TEKT3: variants seen among roughly 807,000 people sequenced by gnomAD.
TEKT3 encodes tektin 3.
In TEKT3, 49 loss-of-function variants were observed where a neutral mutation model predicts 49.8. The observed-to-expected ratio is 0.98, with a 90% CI of 0.78 to 1.25. The LOEUF is 1.25. TEKT3 is among the 50% of genes most tolerant of loss of function. TEKT3 has a pLI of 0.00. For synonymous variants in TEKT3, 225 were observed against 237.2 expected, an observed-to-expected ratio of 0.95 and a Z score of 0.47; for missense variants, 595 against 629.5, an observed-to-expected ratio of 0.95 and a Z score of 0.59.
At chr17:15,306,457 G>A (rs1278016273) in intron 8 of TEKT3, among the ~76,000 whole-genome samples, 1 of 151,354 alleles carries the variant, frequency 6.6e-6, no homozygotes, top group East Asian at 1.9e-4. Flanking sequence ...AGAAACAAAA[G>A]TAGGTTTTGT....
chr17:15,330,603 C>T (rs887257589), intron 3 of TEKT3, among the ~76,000 whole-genome samples: 1 of 152,176 alleles, frequency 6.6e-6, no homozygotes, highest in South Asian at 2.1e-4. Flanking sequence ...AAGCAGAAGC[C>T]ATTATGCTTC....
intron 3 of TEKT3, among the ~76,000 whole-genome samples, chr17:15,328,869 A>G (rs1284689219): frequency 2.6e-5 from 4 of 152,146 alleles, no homozygotes; most frequent in Non-Finnish European, 4.4e-5. Context: ...ATAACATAGG[A>G]CTCCCAAATA....
At chr17:15,306,343 A>C (rs1328504549) in intron 8 of TEKT3, among the ~76,000 whole-genome samples, 1 of 152,164 alleles carries the variant, frequency 6.6e-6, no homozygotes, top group Non-Finnish European at 1.5e-5. Flanking sequence ...TAGACCGCCG[A>C]AGGGCTGCTT....
At chr17:15,324,231 A>G (rs1296965711) in intron 4 of TEKT3, among the ~76,000 whole-genome samples, 1 of 152,132 alleles carries the variant, frequency 6.6e-6, no homozygotes, top group Non-Finnish European at 1.5e-5. Flanking sequence ...CATGTAGCAT[A>G]ATGTTTTCAA....
At chr17:15,340,932 A>G (rs1237897429) in intron 1 of TEKT3, among the ~76,000 whole-genome samples, 2 of 152,216 alleles carry the variant, frequency 1.3e-5, no homozygotes, top group African/African-American at 4.8e-5. Flanking sequence ...TCTCTACAAT[A>G]CTATATACAT....
At chr17:15,308,910 A>G (rs2150733153) in intron 7 of TEKT3, 92 bp from the exon 8 acceptor site, 1 of 1,474,634 alleles carries the variant, frequency 6.8e-7, no homozygotes, top group South Asian at 1.2e-5. Context: ...CATGTCCAGC[A>G]CGTGCCTTGA....
rs78219533 is a variant in TEKT3 at position 15,339,501 on chromosome 17, A to G, written c.-30+527T>C. 2.9e-3 allele frequency among the ~76,000 whole-genome samples: 435 copies of G among 152,374 alleles called. 4 individuals carry two copies. Among genetic ancestry groups the G allele is most frequent in the East Asian group, 0.023 (118 of 5,196 alleles). ...ACAATAGTCTTCCATAAATATTAAC[A>G]TACTAAATATAGAATCAATCACACA... On this transcript the variant is annotated intron_variant, in intron 2 of 8. Coordinates refer to ENST00000395930, the MANE Select transcript of TEKT3 (RefSeq NM_031898.3).
intron 6 of TEKT3, 102 bp from the exon 7 acceptor site, chr17:15,312,583 C>T (rs1910821204): frequency 2.2e-6 from 2 of 914,122 alleles, no homozygotes; most frequent in Non-Finnish European, 3.3e-6. Context: ...CCCCAGGTCG[C>T]TGATCCTAGC....
At chr17:15,313,962 G>T in intron 6 of TEKT3, 125 bp downstream of exon 6, 1 of 1,349,604 alleles carries the variant, frequency 7.4e-7, no homozygotes, top group East Asian at 2.4e-5. Flanking sequence ...GTCCAAAGCT[G>T]GGTGTGTTTC....
At chr17:15,329,861 T>C (rs566769395) in intron 3 of TEKT3, among the ~76,000 whole-genome samples, 1 of 152,138 alleles carries the variant, frequency 6.6e-6, no homozygotes, top group Non-Finnish European at 1.5e-5. Context: ...TGAGGAAAAA[T>C]GGTGCTAGCT....
intron 1 of TEKT3, among the ~76,000 whole-genome samples, chr17:15,340,980 C>G (rs1019512585): frequency 3.3e-5 from 5 of 151,760 alleles, no homozygotes; most frequent in East Asian, 3.9e-4. Context: ...CTAAACTGCC[C>G]AAACACAAGC....
intron 2 of TEKT3, 71 bp downstream of exon 2, chr17:15,339,957 G>C (rs539043823): frequency 6.6e-6 from 1 of 152,110 alleles, no homozygotes; most frequent in South Asian, 2.1e-4. Context: ...TCTATTCATC[G>C]ATGGTATATA....
chr17:15,327,261 T>G, intron 4 of TEKT3, among the ~76,000 whole-genome samples: 1 of 152,000 alleles, frequency 6.6e-6, no homozygotes. Flanking sequence ...CTCAAGTCTG[T>G]AATCCCAGCA....
In TEKT3 at chr17:15,304,341, T is replaced by C. The variant is rs1042322950; in HGVS notation, c.1257-189A>G. Among the ~76,000 whole-genome samples the C allele has an allele frequency of 1.3e-5, 2 of 152,168 alleles. No homozygotes were observed. Among genetic ancestry groups the C allele is most frequent in the African/African-American group, 4.8e-5 (2 of 41,434 alleles). ...AAAGAGAATGGTGACAATGAACCAATGGGAATGTAGATGTCCCAGGAGATA... is the reference window on the plus strand; with the variant it reads ...AAAGAGAATGGTGACAATGAACCAACGGGAATGTAGATGTCCCAGGAGATA... On this transcript the variant is annotated intron_variant, in intron 8 of 8. Coordinates refer to ENST00000395930, the MANE Select transcript of TEKT3 (RefSeq NM_031898.3). The surrounding 1 kb of genome is among the most constrained non-coding windows in gnomAD (Gnocchi z 4.7).
chr17:15,321,575 C>G (rs116527841), intron 4 of TEKT3, among the ~76,000 whole-genome samples: 1 of 152,268 alleles, frequency 6.6e-6, no homozygotes. Flanking sequence ...AAAGCAGAAG[C>G]GTAGGAAGAG....
At chr17:15,325,264 C>T (rs2150745874) in intron 4 of TEKT3, among the ~76,000 whole-genome samples, 1 of 152,236 alleles carries the variant, frequency 6.6e-6, no homozygotes, top group Non-Finnish European at 1.5e-5. Flanking sequence ...TTAGGATCAG[C>T]TCACCAATTT....
At chr17:15,339,041 G>A (rs1223101647) in intron 2 of TEKT3, among the ~76,000 whole-genome samples, 1 of 152,122 alleles carries the variant, frequency 6.6e-6, no homozygotes, top group Non-Finnish European at 1.5e-5. Flanking sequence ...CCATTGTGCA[G>A]TATTAAGAGG....
intron 4 of TEKT3, chr17:15,327,691 G>T: frequency 3.2e-6 from 1 of 308,306 alleles, no homozygotes; most frequent in Non-Finnish European, 6.1e-6. Flanking sequence ...AAGATGCAAC[G>T]GAATGGTAGA....
At chr17:15,309,449 T>C (rs1910678081) in intron 7 of TEKT3, among the ~76,000 whole-genome samples, 3 of 152,110 alleles carry the variant, frequency 2.0e-5, no homozygotes, top group Non-Finnish European at 4.4e-5. Flanking sequence ...TGCGTAAACA[T>C]GGATCCCCCT....
Sources: gnomAD v4.1 joint callset for allele counts (sites outside exome capture counted in the v4.1 genomes callset) on GRCh38, gnomAD v4.1.1 for gene constraint, Gnocchi (gnomAD v3.1) non-coding constraint, MANE v1.5 for transcripts, NCBI Gene and HGNC (gene_info 2026-07-23, HGNC 2026-07-21) for gene names.